The following EGFR variants were observed in gnomAD, a reference collection of about 807,000 sequenced individuals.
The protein encoded by EGFR is avian erythroblastic leukemia viral (v-erb-b) oncogene homolog.
EGFR carries 58 observed loss-of-function variants against 143.0 expected under a neutral mutation model. The observed-to-expected ratio is 0.41, with a 90% CI of 0.33 to 0.50. The LOEUF is 0.50. EGFR is among the 20% of genes least tolerant of loss of function. EGFR has a pLI of 0.39. For missense variants in EGFR, 1,307 were observed against 1,579.0 expected (o/e 0.83, Z 2.92); for synonymous variants, 613 against 594.4 (o/e 1.03, Z -0.45).
At position 55,205,330 on chromosome 7, in the gene EGFR, A is replaced by G. The variant is rs1485236403; in HGVS notation, c.3346A>G (p.Asn1116Asp). 6.2e-7 allele frequency: 1 copy of G among 1,610,768 alleles called. No individual in the cohort carries two copies. The highest frequency in any genetic ancestry group is 8.5e-7 in the Non-Finnish European group (1 of 1,178,438). ...TCCTGTCTATCACAATCAGCCTCTG[A>G]ACCCCGCGCCCAGCAGAGACCCACA... ...QNPVYHNQPL[N>D]PAPSRDPHYQ... Residue 1116 changes from asparagine to aspartate, a missense_variant, in exon 28 of 28, where the codon AAC (asparagine) becomes GAC (aspartate). Asn to Asp is a conservative substitution (Grantham distance 23). Coordinates refer to ENST00000275493, the MANE Select transcript of EGFR (RefSeq NM_005228.5).
intron 1 of EGFR, among the ~76,000 whole-genome samples, chr7:55,119,590 C>G (rs1157978804): frequency 6.6e-6 from 1 of 152,216 alleles, no homozygotes; most frequent in Non-Finnish European, 1.5e-5. Context: ...TGAAACTGAT[C>G]TAGGAAATGT....
chr7:55,209,157 C>T lies in EGFR; in HGVS notation c.*3540C>T, dbSNP rs1180336925. ...CTGGAGTCTCTGCAGACCAATTCAACCCAAATCTCGGGGGCTCTTTCATGA... is the reference window on the plus strand; with the variant it reads ...CTGGAGTCTCTGCAGACCAATTCAATCCAAATCTCGGGGGCTCTTTCATGA... On this transcript the variant is annotated 3_prime_UTR_variant, in exon 28 of 28. Coordinates refer to ENST00000275493, the MANE Select transcript of EGFR (RefSeq NM_005228.5). The T allele has an allele frequency of 3.3e-5, 5 of 152,196 alleles. No individual in the cohort carries two copies. In the East Asian group the frequency reaches 9.7e-4, roughly 30 times the overall value. The allele number at this position is 152,196 out of a possible 1,614,324, so 9.4% of individuals were successfully genotyped here.
chr7:55,205,626 G>A lies in EGFR; in HGVS notation c.*9G>A, dbSNP rs200914796. 12 of 1,614,012 alleles carry A rather than the reference G, an allele frequency of 7.4e-6. No individual in the cohort carries two copies. The highest frequency in any genetic ancestry group is 1.1e-5 in the South Asian group (1 of 91,084). On this transcript the variant is annotated 3_prime_UTR_variant, in exon 28 of 28. Coordinates refer to ENST00000275493, the MANE Select transcript of EGFR (RefSeq NM_005228.5). ...AATTTATTGGAGCATGACCACGGAG[G>A]ATAGTATGAGCCCTAAAAATCCAGA...
chr7:55,019,728 C>T (rs1025939736), intron 1 of EGFR, among the ~76,000 whole-genome samples: 3 of 152,158 alleles, frequency 2.0e-5, no homozygotes, highest in African/African-American at 7.2e-5. Flanking sequence ...TGCTGGTGGG[C>T]GCCTGGGGCC....
At chr7:55,057,053 G>A (rs140184091) in intron 1 of EGFR, among the ~76,000 whole-genome samples, 84 of 152,330 alleles carry the variant, frequency 5.5e-4, no homozygotes, top group African/African-American at 1.9e-3. Flanking sequence ...AGACTTATAG[G>A]TGGTGCGACT....
intron 1 of EGFR, among the ~76,000 whole-genome samples, chr7:55,025,479 G>A (rs1425206623): frequency 6.6e-6 from 1 of 152,176 alleles, no homozygotes; most frequent in Non-Finnish European, 1.5e-5. Context: ...TGCAGGGAAG[G>A]GAAGGGAAGG....
chr7:55,030,602 A>C (rs990237040), intron 1 of EGFR, among the ~76,000 whole-genome samples: 1 of 152,230 alleles, frequency 6.6e-6, no homozygotes, highest in Non-Finnish European at 1.5e-5. Context: ...TTGATTTAGC[A>C]GTTGGGTCAG....
rs56141715 is a variant in EGFR, at chr7:55,023,622, G to A, written c.88+4257G>A. 7.7e-3 allele frequency among the ~76,000 whole-genome samples: 975 copies of A among 126,976 alleles called. 11 individuals are homozygous for A. The highest frequency in any genetic ancestry group is 0.024 in the African/African-American group (798 of 32,772). The allele number at this position is 126,976 out of a possible 152,430, so 83.3% of individuals were successfully genotyped here. A position where few individuals can be genotyped will look rare whatever the true frequency, so the allele number is the denominator to read the frequency against. On this transcript the variant is annotated intron_variant, in intron 1 of 27. Transcript: ENST00000275493. ...GCCAAGATCGCACCATTGCACTCCAGCCCGCGCGACAGTGTGAGACTCCAT... is the reference window on the plus strand; with the variant it reads ...GCCAAGATCGCACCATTGCACTCCAACCCGCGCGACAGTGTGAGACTCCAT...
chr7:55,112,339 AG>A (rs1037878911), intron 1 of EGFR, among the ~76,000 whole-genome samples: 1 of 152,204 alleles, frequency 6.6e-6, no homozygotes, highest in African/African-American at 2.4e-5. Context: ...GTGGGTGAAA[AG>A]TCTCAGGCCA....
intron 1 of EGFR, among the ~76,000 whole-genome samples, chr7:55,129,541 T>C (rs79884022): frequency 0.012 from 1,835 of 152,234 alleles, 25 homozygotes; most frequent in Middle Eastern, 0.017. Flanking sequence ...AACCATTTGG[T>C]AGAGTATGGG....
chr7:55,055,265 TAA>T (rs1021557314), intron 1 of EGFR, among the ~76,000 whole-genome samples: 2 of 152,162 alleles, frequency 1.3e-5, no homozygotes, highest in African/African-American at 4.8e-5. Context: ...CTGGGACCCT[TAA>T]AAAAATCTTA....
At chr7:55,189,384 G>A (rs1043058358) in intron 20 of EGFR, among the ~76,000 whole-genome samples, 4 of 151,868 alleles carry the variant, frequency 2.6e-5, no homozygotes, top group Admixed American at 1.3e-4. Context: ...CTGGCACATC[G>A]CCAGTGCTCA....
intron 1 of EGFR, among the ~76,000 whole-genome samples, chr7:55,052,610 A>G (rs10244468): frequency 1.4e-4 from 21 of 152,342 alleles, no homozygotes; most frequent in African/African-American, 4.8e-4. Flanking sequence ...GCTCAGGTGC[A>G]TGGATGCCTG....
At chr7:55,137,580 G>A (rs183998219) in intron 1 of EGFR, among the ~76,000 whole-genome samples, 44 of 152,200 alleles carry the variant, frequency 2.9e-4, no homozygotes, top group Non-Finnish European at 4.9e-4. Context: ...AAATAATAAC[G>A]AGACCACCGG....
chr7:55,181,485 AG>A lies in EGFR; in HGVS notation c.2469+10del, dbSNP rs2128958924. The A allele has an allele frequency of 6.2e-7, 1 of 1,614,206 alleles. No individual in the cohort carries two copies. On this transcript the variant is annotated splice_region_variant and intron_variant, in intron 20 of 27. Coordinates refer to ENST00000275493, the MANE Select transcript of EGFR (RefSeq NM_005228.5). ...GTGTGTGCAGATCGCAAAGGTAATCAGGGAAGGGAGATACGGGGAGGGGAGA... is the reference window on the plus strand; with the variant it reads ...GTGTGTGCAGATCGCAAAGGTAATCAGGAAGGGAGATACGGGGAGGGGAGA...
chr7:55,166,024 AC>A (rs1191623729), intron 15 of EGFR, among the ~76,000 whole-genome samples: 2 of 151,866 alleles, frequency 1.3e-5, no homozygotes, highest in African/African-American at 4.8e-5. Context: ...CTAAAAATAC[AC>A]CTGTAGTCCC....
chr7:55,074,324 C>A (rs1790012950), intron 1 of EGFR, among the ~76,000 whole-genome samples: 1 of 152,212 alleles, frequency 6.6e-6, no homozygotes, highest in Non-Finnish European at 1.5e-5. Flanking sequence ...CATTTCCCTC[C>A]TGGTTGAGCA....
At chr7:55,166,387 G>C in intron 15 of EGFR, 3 of 543,698 alleles carry the variant, frequency 5.5e-6, no homozygotes, top group South Asian at 1.5e-5. Context: ...TGTATGAGTT[G>C]TGTGCCCTTG....
intron 19 of EGFR, among the ~76,000 whole-genome samples, chr7:55,177,621 G>C (rs910549007): frequency 2.0e-5 from 3 of 152,210 alleles, no homozygotes; most frequent in Non-Finnish European, 4.4e-5. Flanking sequence ...AATTCATACG[G>C]TAGAGCCATT....
Sources: gnomAD v4.1 joint callset for allele counts (sites outside exome capture counted in the v4.1 genomes callset) on GRCh38, gnomAD v4.1.1 for gene constraint, MANE v1.5 for transcripts, NCBI Gene and HGNC (gene_info 2026-07-23, HGNC 2026-07-21) for gene names.